Variants in RHOBTB1 observed in about 807,000 individuals in gnomAD.
RHOBTB1 encodes Rho related BTB domain containing 1.
Under a neutral mutation model 71.6 loss-of-function variants are expected in RHOBTB1, and 40 were observed. That is an observed-to-expected ratio of 0.56 (90% CI 0.43 to 0.73). The LOEUF is 0.73. Among genes scored for constraint, RHOBTB1 ranks in the 30% least tolerant of loss-of-function variants. RHOBTB1 has a pLI of 0.00. For synonymous variants in RHOBTB1, 319 were observed against 334.9 expected (o/e 0.95, Z 0.52); for missense variants, 797 against 894.0 (o/e 0.89, Z 1.38).
At chr10:60,950,077 A>G (rs2085360558) in intron 2 of RHOBTB1, among the ~76,000 whole-genome samples, 1 of 152,184 alleles carries the variant, frequency 6.6e-6, no homozygotes. Context: ...AATTTGTCCT[A>G]CCAAGATGGT....
chr10:60,945,802 G>C (rs1463794190), upstream of RHOBTB1, among the ~76,000 whole-genome samples: 3 of 152,206 alleles, frequency 2.0e-5, no homozygotes, highest in East Asian at 5.8e-4. Context: ...TTTGATATCA[G>C]AAAGAGAGGG....
chr10:60,883,084 A>G (rs2081400011), intron 7 of RHOBTB1, among the ~76,000 whole-genome samples: 1 of 152,196 alleles, frequency 6.6e-6, no homozygotes, highest in Admixed American at 6.6e-5. Flanking sequence ...TTACACAGGA[A>G]ATAAAGTGAA....
chr10:60,976,692 T>C (rs1012911564), intron 2 of RHOBTB1, among the ~76,000 whole-genome samples: 4 of 152,028 alleles, frequency 2.6e-5, no homozygotes, highest in Non-Finnish European at 5.9e-5. Context: ...TGTTGTCTTA[T>C]TGGTAGATCT....
chr10:60,916,307 C>T (rs2083266973), intron 2 of RHOBTB1, among the ~76,000 whole-genome samples: 1 of 152,142 alleles, frequency 6.6e-6, no homozygotes. Flanking sequence ...CTGAGGCAGC[C>T]CTGCCAATGG....
At chr10:60,968,952 T>C (rs935730639) in intron 2 of RHOBTB1, among the ~76,000 whole-genome samples, 4 of 152,124 alleles carry the variant, frequency 2.6e-5, no homozygotes, top group Non-Finnish European at 5.9e-5. Context: ...ACATTTCTAA[T>C]GCTGATGCCC....
intron 4 of RHOBTB1, among the ~76,000 whole-genome samples, chr10:60,897,270 T>C (rs2082205361): frequency 6.6e-6 from 1 of 151,392 alleles, no homozygotes; most frequent in South Asian, 2.1e-4. Context: ...GAAGCTCAAC[T>C]TTTTTTCCAA....
chr10:60,902,591 A>C (rs2082462882), intron 4 of RHOBTB1, among the ~76,000 whole-genome samples: 1 of 152,124 alleles, frequency 6.6e-6, no homozygotes, highest in Non-Finnish European at 1.5e-5. Flanking sequence ...AAGTCCAAAA[A>C]CTTGGGGAAA....
Position 60,966,559 on chromosome 10 carries a change from T to C in RHOBTB1, c.-62+19286A>G, listed in dbSNP as rs943278773. 2.6e-5 allele frequency among the ~76,000 whole-genome samples: 4 copies of C among 152,220 alleles called. No individual in the cohort carries two copies. In the East Asian group the frequency reaches 5.8e-4, roughly 22 times the overall value. On this transcript the variant is annotated intron_variant, in intron 2 of 11. Coordinates refer to the RHOBTB1 transcript ENST00000357917. ...AATGAAGAAACCACTACAGTGGTTA[T>C]TATGTGATCTTCTTTCTAGTTTCTG...
At position 60,911,537 on chromosome 10, in the gene RHOBTB1, G is replaced by A. The variant is rs111316408; in HGVS notation, c.6C>T (p.Asp2=). 4.8e-5 allele frequency: 78 copies of A among 1,613,654 alleles called. No individual in the cohort carries two copies. Among genetic ancestry groups the A allele is most frequent in the African/African-American group, 1.1e-4 (8 of 75,032 alleles). The change falls in exon 3 of 11, where the codon GAC becomes GAT. Residue 2 remains aspartate (D), a synonymous_variant. Transcript: ENST00000337910. ...TGGGTCTTTCGTAGTCCATGTCAGC[G>A]TCCATTTATGAAACTCTGTAAGAAG... M[D]ADMDYERPNV... is the part of the protein sequence containing the mutation.
intron 2 of RHOBTB1, among the ~76,000 whole-genome samples, chr10:60,972,599 G>A (rs913232446): frequency 6.6e-6 from 1 of 151,986 alleles, no homozygotes; most frequent in South Asian, 2.1e-4. Flanking sequence ...ACAGGTTGAT[G>A]GGTGCAGCAA....
chr10:60,911,644 C>T, intron 2 of RHOBTB1, 92 bp from the exon 3 acceptor site: 1 of 997,680 alleles, frequency 1.0e-6, no homozygotes, highest in African/African-American at 1.6e-5. Context: ...TGCCTTCGTC[C>T]AGCCACTTCC....
chr10:61,001,302 C>G (rs1187723962), intron 1 of RHOBTB1: 3 of 152,052 alleles, frequency 2.0e-5, no homozygotes, highest in African/African-American at 7.2e-5. Flanking sequence ...GTGGGGACTG[C>G]GGGTGGGCAG....
Position 60,889,192 on chromosome 10 carries a change from T to C in RHOBTB1, c.483-7A>G, listed in dbSNP as rs1211737763. 1.3e-6 allele frequency: 2 copies of C among 1,584,242 alleles called. No homozygotes were observed. The highest frequency in any genetic ancestry group is 8.6e-7 in the Non-Finnish European group (1 of 1,169,106). Reference sequence around the variant, plus strand: ...ATCCCCTCTCTTTATGGGCCTGAAATAGAACATTTTAAAAATTATAATCAG... The same window carrying C: ...ATCCCCTCTCTTTATGGGCCTGAAACAGAACATTTTAAAAATTATAATCAG... On this transcript the variant is annotated splice_region_variant and splice_polypyrimidine_tract_variant and intron_variant, in intron 5 of 10. Coordinates refer to ENST00000337910, the MANE Select transcript of RHOBTB1 (RefSeq NM_014836.5).
At chr10:60,987,996 C>T (rs1589466270) in intron 1 of RHOBTB1, among the ~76,000 whole-genome samples, 2 of 140,074 alleles carry the variant, frequency 1.4e-5, no homozygotes, top group Admixed American at 7.7e-5. Flanking sequence ...TGCACTGGCG[C>T]GATCTCAGCT....
chr10:60,971,590 C>A (rs1429563239), intron 2 of RHOBTB1, among the ~76,000 whole-genome samples: 1 of 152,136 alleles, frequency 6.6e-6, no homozygotes, highest in Non-Finnish European at 1.5e-5. Flanking sequence ...ACCATACAAA[C>A]CCTAGAAGAA....
At chr10:60,868,504 C>T (rs564228536), downstream of RHOBTB1, among the ~76,000 whole-genome samples, 2 of 152,038 alleles carry the variant, frequency 1.3e-5, no homozygotes, top group African/African-American at 4.8e-5. Context: ...GTCATAGTGA[C>T]GAAAAACTGA....
At chr10:60,966,525 G>A (rs900393220) in intron 2 of RHOBTB1, among the ~76,000 whole-genome samples, 10 of 150,848 alleles carry the variant, frequency 6.6e-5, no homozygotes, top group African/African-American at 2.2e-4. Context: ...AAAAAAAGTT[G>A]GAAACTATAA....
chr10:60,875,007 T>C lies in RHOBTB1; in HGVS notation c.1762A>G (p.Thr588Ala), dbSNP rs755647302. 1.2e-6 allele frequency: 2 copies of C among 1,614,014 alleles called. No individual in the cohort carries two copies. Among genetic ancestry groups the C allele is most frequent in the African/African-American group, 2.7e-5 (2 of 74,944 alleles). Reference sequence around the variant, plus strand: ...TCTCCGTCAATGCCCACGCCACTCGTGGCGGCTTTGGTCAACTCCTGAACG... The same window carrying C: ...TCTCCGTCAATGCCCACGCCACTCGCGGCGGCTTTGGTCAACTCCTGAACG... Reference protein sequence around the residue: ...HAVQELTKAATSGVGIDGEVL... With the variant: ...HAVQELTKAAASGVGIDGEVL... The change falls in exon 9 of 11, where the codon ACG becomes GCG. Residue 588 changes from threonine (T) to alanine (A), a missense_variant. Around this residue, in one of 2 missense-constraint regions of RHOBTB1, gnomAD observed 658 missense variants for 681.5 expected, o/e 0.97. Transcript: ENST00000337910.
intron 2 of RHOBTB1, among the ~76,000 whole-genome samples, chr10:60,941,305 T>C (rs1205037150): frequency 6.6e-6 from 1 of 152,174 alleles, no homozygotes; most frequent in East Asian, 1.9e-4. Flanking sequence ...TCCTCACCTA[T>C]AGTTTGGGAC....
Sources: gnomAD v4.1 joint callset for allele counts (sites outside exome capture counted in the v4.1 genomes callset) on GRCh38, gnomAD v4.1.1 for gene constraint, gnomAD v4.1.1 regional missense constraint, MANE v1.5 for transcripts, NCBI Gene and HGNC (gene_info 2026-07-23, HGNC 2026-07-21) for gene names.